The following ACVR1B variants were observed in gnomAD, a reference collection of about 807,000 sequenced individuals.
ACVR1B encodes the protein activin A receptor type 1B.
ACVR1B carries 15 observed loss-of-function variants against 55.6 expected under a neutral mutation model. The ratio of observed to expected loss-of-function variants is 0.27; its 90% CI spans 0.18 to 0.42. The LOEUF (loss-of-function observed/expected upper bound fraction) is 0.42, where lower values mean the gene tolerates loss of function less well. ACVR1B is among the 10% of genes least tolerant of loss of function. The probability of loss-of-function intolerance (pLI) is 1.00; values close to 1 mark genes in which losing one functional copy is unlikely to be tolerated. For synonymous variants in ACVR1B, 247 were observed against 254.6 expected, an observed-to-expected ratio of 0.97 and a Z score of 0.28; for missense variants, 359 against 670.1, an observed-to-expected ratio of 0.54 and a Z score of 5.13.
Position 51,995,075 on chromosome 12 carries a change from C to T in ACVR1B, c.*965C>T, listed in dbSNP as rs1188773295. ...TGGGTGGGATGGGCAGGGAAGGAAT[C>T]CTGGTGGAAGTCTTGGGTGTTAGTG... On this transcript the variant is annotated 3_prime_UTR_variant, in exon 9 of 9. Transcript: ENST00000257963. 6.5e-6 allele frequency: 1 copy of T among 152,964 alleles called. No individual in the cohort carries two copies. The highest frequency in any genetic ancestry group is 1.5e-5 in the Non-Finnish European group (1 of 68,282). The allele number at this position is 152,964 out of a possible 1,614,324, so 9.5% of individuals were successfully genotyped here. A position where few individuals can be genotyped will look rare whatever the true frequency, so the allele number is the denominator to read the frequency against.
intron 1 of ACVR1B, among the ~76,000 whole-genome samples, chr12:51,953,930 G>A (rs1313262951): frequency 6.6e-6 from 1 of 152,184 alleles, no homozygotes; most frequent in Non-Finnish European, 1.5e-5. Flanking sequence ...TGTGTGTCCA[G>A]CAAACATTCT....
chr12:51,986,416 G>T (rs1942076898), intron 6 of ACVR1B, among the ~76,000 whole-genome samples: 1 of 152,110 alleles, frequency 6.6e-6, no homozygotes, highest in Admixed American at 6.5e-5. Flanking sequence ...CTGCCACCAT[G>T]CCTGGCTAAT....
At chr12:51,976,298 CT>C in intron 2 of ACVR1B, 28 bp from the exon 3 acceptor site, 1 of 1,612,720 alleles carries the variant, frequency 6.2e-7, no homozygotes, top group South Asian at 1.1e-5. Flanking sequence ...ACTTCTCATT[CT>C]TTCCCTCTCC....
chr12:51,985,187 G>A lies in ACVR1B; in HGVS notation c.980-5G>A, dbSNP rs1254370196. On this transcript the variant is annotated splice_region_variant and splice_polypyrimidine_tract_variant and intron_variant, in intron 5 of 8. Coordinates refer to ENST00000257963, the MANE Select transcript of ACVR1B (RefSeq NM_004302.5). ...TGTAAAGATCCCTGTTTTTTTCTCT[G>A]CCAGGGAAGCCTGGAATTGCTCATC... 3.1e-6 allele frequency: 5 copies of A among 1,600,102 alleles called. No homozygotes were observed. The highest frequency in any genetic ancestry group is 3.5e-5 in the Admixed American group (2 of 56,698).
chr12:51,967,154 G>A (rs1040161839), intron 1 of ACVR1B, among the ~76,000 whole-genome samples: 2 of 151,404 alleles, frequency 1.3e-5, no homozygotes, highest in Non-Finnish European at 2.9e-5. Flanking sequence ...GCAGGAGAAT[G>A]GCATGAACCC....
chr12:51,993,857 C>T (rs1053651658), intron 8 of ACVR1B, 128 bp from the exon 9 acceptor site: 60 of 1,108,574 alleles, frequency 5.4e-5, no homozygotes, highest in Admixed American at 1.2e-4. Context: ...TAAGGTCGGC[C>T]GCCGGGTGGA....
chr12:51,951,766 C>A lies in ACVR1B; in HGVS notation c.23C>A (p.Ser8Tyr). Residue 8 changes from serine (S) to tyrosine (Y), a missense_variant, in exon 1 of 9, where the codon TCC becomes TAC. Coordinates refer to ENST00000257963, the MANE Select transcript of ACVR1B (RefSeq NM_004302.5). MAESAGA[S>Y]SFFPLVVLLL... Reference sequence around the variant, plus strand: ...ACTATGGCGGAGTCGGCCGGAGCCTCCTCCTTCTTCCCCCTTGTTGTCCTC... The same window carrying A: ...ACTATGGCGGAGTCGGCCGGAGCCTACTCCTTCTTCCCCCTTGTTGTCCTC... The A allele has an allele frequency of 4.6e-6, 6 of 1,291,100 alleles. No homozygotes were observed. Among genetic ancestry groups the A allele is most frequent in the Non-Finnish European group, 5.9e-6 (6 of 1,010,956 alleles). 80.0% of individuals were successfully genotyped at this position (1,291,100 alleles called of 1,614,324 possible). A position where few individuals can be genotyped will look rare whatever the true frequency, so the allele number is the denominator to read the frequency against.
chr12:51,993,844 CCCTA>C, intron 8 of ACVR1B, 137 bp from the exon 9 acceptor site: 1 of 783,964 alleles, frequency 1.3e-6, no homozygotes, highest in Non-Finnish European at 1.8e-6. Flanking sequence ...CAGAGCATTT[CCCTA>C]AGGTCGGCCG....
intron 1 of ACVR1B, among the ~76,000 whole-genome samples, chr12:51,955,361 G>T (rs1366660703): frequency 6.6e-6 from 1 of 152,222 alleles, no homozygotes; most frequent in Non-Finnish European, 1.5e-5. Flanking sequence ...TGAGCTAATT[G>T]TAACCTTGCT....
intron 7 of ACVR1B, among the ~76,000 whole-genome samples, chr12:51,989,783 C>T (rs183589290): frequency 3.9e-5 from 6 of 152,028 alleles, no homozygotes; most frequent in African/African-American, 2.4e-5. Context: ...CAGGAGTTTG[C>T]AACCAGTCTG....
Position 51,976,313 on chromosome 12 carries a change from C to A in ACVR1B, c.332-14C>A, listed in dbSNP as rs753997089. On this transcript the variant is annotated splice_polypyrimidine_tract_variant and intron_variant, in intron 2 of 8. Transcript: ENST00000257963. ...ACTTCTCATTCTTTCCCTCTCCTCTCTCACTTGACTCAGGTCACCTCAAGG... is the reference window on the plus strand; with the variant it reads ...ACTTCTCATTCTTTCCCTCTCCTCTATCACTTGACTCAGGTCACCTCAAGG... 24 of 1,613,742 alleles carry A rather than the reference C, an allele frequency of 1.5e-5. No homozygotes were observed. Among genetic ancestry groups the A allele is most frequent in the Non-Finnish European group, 1.8e-5 (21 of 1,179,798 alleles).
chr12:51,974,206 G>A (rs913195635), intron 1 of ACVR1B, among the ~76,000 whole-genome samples: 2 of 152,112 alleles, frequency 1.3e-5, no homozygotes, highest in African/African-American at 2.4e-5. Flanking sequence ...CAGCACTTCC[G>A]AGCCCCAGCC....
At chr12:51,968,287 A>C (rs1333196940) in intron 1 of ACVR1B, among the ~76,000 whole-genome samples, 2 of 152,250 alleles carry the variant, frequency 1.3e-5, no homozygotes, top group Non-Finnish European at 2.9e-5. Flanking sequence ...ATGGAAACAT[A>C]CAAGTCCAAA....
chr12:51,952,340 G>A (rs1310900489), intron 1 of ACVR1B, among the ~76,000 whole-genome samples: 1 of 152,122 alleles, frequency 6.6e-6, no homozygotes, highest in Admixed American at 6.5e-5. Context: ...TGTAGGGGAA[G>A]GGGTCTCTAA....
chr12:51,954,808 A>G (rs1013504101), intron 1 of ACVR1B, among the ~76,000 whole-genome samples: 2 of 152,226 alleles, frequency 1.3e-5, no homozygotes, highest in Non-Finnish European at 2.9e-5. Context: ...ACTGATAGCC[A>G]GTTGGCGGGG....
chr12:51,957,683 G>A (rs1359137403), intron 1 of ACVR1B, among the ~76,000 whole-genome samples: 4 of 152,116 alleles, frequency 2.6e-5, no homozygotes, highest in Admixed American at 1.3e-4. Flanking sequence ...GGGATTACAG[G>A]CCTGAGCTAC....
chr12:51,967,522 G>T (rs928138697), intron 1 of ACVR1B, among the ~76,000 whole-genome samples: 4 of 152,182 alleles, frequency 2.6e-5, no homozygotes, highest in African/African-American at 9.7e-5. Flanking sequence ...TCGTGCCATT[G>T]TACTCCAGCC....
At chr12:51,962,174 C>T (rs893946882) in intron 1 of ACVR1B, among the ~76,000 whole-genome samples, 3 of 152,314 alleles carry the variant, frequency 2.0e-5, no homozygotes, top group Admixed American at 6.5e-5. Flanking sequence ...GTGGAGCTGG[C>T]TTTCCAAACA....
At chr12:51,957,492 A>T (rs1277048268) in intron 1 of ACVR1B, among the ~76,000 whole-genome samples, 1 of 151,744 alleles carries the variant, frequency 6.6e-6, no homozygotes, top group East Asian at 1.9e-4. Flanking sequence ...TGCAGCCTGA[A>T]ACTCCTGGGC....
Sources: allele counts gnomAD v4.1 joint callset (sites outside exome capture counted in the v4.1 genomes callset), GRCh38; gene constraint gnomAD v4.1.1; transcripts MANE v1.5; gene names NCBI Gene and HGNC (gene_info 2026-07-23, HGNC 2026-07-21).